RAB27A: variants seen among roughly 807,000 people sequenced by gnomAD.
RAB27A encodes the protein RAB27A, member RAS oncogene family.
A neutral mutation model predicts 20.8 loss-of-function variants in RAB27A; 17 were observed. The observed-to-expected ratio is 0.82, with a 90% CI of 0.56 to 1.23. The LOEUF (loss-of-function observed/expected upper bound fraction) is 1.23. RAB27A is among the 50% of genes most tolerant of loss of function. The pLI is 0.00. For missense variants in RAB27A, 277 were observed against 266.7 expected (o/e 1.04, Z -0.27); for synonymous variants, 85 against 92.8 (o/e 0.92, Z 0.48).
At chr15:55,232,217 A>T (rs1230929011) in intron 3 of RAB27A, among the ~76,000 whole-genome samples, 1 of 152,230 alleles carries the variant, frequency 6.6e-6, no homozygotes, top group Non-Finnish European at 1.5e-5. Flanking sequence ...CTCTCCACTC[A>T]TTAGCTGTCC....
intron 1 of RAB27A, among the ~76,000 whole-genome samples, chr15:55,283,537 G>C (rs931050756): frequency 6.6e-6 from 1 of 152,128 alleles, no homozygotes; most frequent in East Asian, 1.9e-4. Context: ...TGTCCCTAAT[G>C]AGAAAAGCCA....
rs539729188 is a variant in RAB27A, at chr15:55,216,551, T to C, written c.467+7338A>G. ...TGTCTCAGAAAAGAAAAACAAAAAC[T>C]CAGAATACATCATCCCAAAAAAGCA... On this transcript the variant is annotated intron_variant, in intron 6 of 6. Coordinates refer to ENST00000336787, the MANE Select transcript of RAB27A (RefSeq NM_183235.3). Among the ~76,000 whole-genome samples the C allele has an allele frequency of 6.0e-5, 9 of 150,780 alleles. No individual in the cohort carries two copies. In the East Asian group the frequency reaches 1.8e-3, roughly 29 times the overall value.
At chr15:55,292,029 GA>G (rs1173069741), upstream of RAB27A, among the ~76,000 whole-genome samples, 1 of 152,160 alleles carries the variant, frequency 6.6e-6, no homozygotes, top group Non-Finnish European at 1.5e-5. Context: ...GGAGCAGAGG[GA>G]AGGCCTGGAA....
chr15:55,210,411 G>GT (rs1566897430), intron 6 of RAB27A, among the ~76,000 whole-genome samples: 65 of 111,188 alleles, frequency 5.8e-4, no homozygotes, highest in African/African-American at 3.1e-3. Flanking sequence ...ATTTAGGTGT[G>GT]GTTTTTTTTT....
chr15:55,208,736 G>C (rs1894774147), intron 6 of RAB27A, among the ~76,000 whole-genome samples: 1 of 152,228 alleles, frequency 6.6e-6, no homozygotes, highest in Non-Finnish European at 1.5e-5. Flanking sequence ...ACTCTGGCAA[G>C]AGGAATGGTA....
intron 3 of RAB27A, among the ~76,000 whole-genome samples, chr15:55,232,685 G>A (rs1392295029): frequency 6.6e-6 from 1 of 152,148 alleles, no homozygotes; most frequent in Non-Finnish European, 1.5e-5. Context: ...CAACTCTCAA[G>A]ACTAAGCTGA....
At chr15:55,262,848 C>A (rs866466732) in intron 2 of RAB27A, among the ~76,000 whole-genome samples, 8 of 152,040 alleles carry the variant, frequency 5.3e-5, no homozygotes, top group South Asian at 2.1e-4. Context: ...AGCCACCACG[C>A]CCAGCCCAGT....
At chr15:55,299,110 A>G (rs1019483970) in intron 2 of RAB27A, among the ~76,000 whole-genome samples, 2 of 152,222 alleles carry the variant, frequency 1.3e-5, no homozygotes, top group Non-Finnish European at 2.9e-5. Context: ...GAAAATCACA[A>G]CGGTATTGAT....
At chr15:55,234,712 A>G in intron 3 of RAB27A, 70 bp downstream of exon 3, 2 of 1,505,668 alleles carry the variant, frequency 1.3e-6, no homozygotes, top group South Asian at 1.1e-5. Flanking sequence ...ATTCCTACAA[A>G]GTAAACTAAA....
chr15:55,304,199 C>T (rs1187026387), intron 2 of RAB27A, among the ~76,000 whole-genome samples: 1 of 151,602 alleles, frequency 6.6e-6, no homozygotes, highest in African/African-American at 2.4e-5. Context: ...GTGCTGTGTC[C>T]ACTCAGGGTT....
At chr15:55,274,794 T>TTATATATATATATG (rs1897807768) in intron 1 of RAB27A, among the ~76,000 whole-genome samples, 1 of 52,172 alleles carries the variant, frequency 1.9e-5, no homozygotes, top group Non-Finnish European at 4.3e-5. Flanking sequence ...AATAAATAAA[T>TTATATATATATATG]TATATATATA....
At chr15:55,285,636 C>A (rs1243716306) in intron 1 of RAB27A, among the ~76,000 whole-genome samples, 1 of 152,194 alleles carries the variant, frequency 6.6e-6, no homozygotes, top group African/African-American at 2.4e-5. Context: ...AGAAAATCTG[C>A]AAGTGGCATA....
intron 2 of RAB27A, chr15:55,238,029 A>G (rs895059537): frequency 3.9e-5 from 6 of 152,186 alleles, no homozygotes; most frequent in Non-Finnish European, 7.3e-5. Flanking sequence ...CACAATAGCA[A>G]TACTGACCAA....
chr15:55,299,410 A>G (rs1296868950), intron 2 of RAB27A, among the ~76,000 whole-genome samples: 1 of 152,140 alleles, frequency 6.6e-6, no homozygotes, highest in Non-Finnish European at 1.5e-5. Context: ...CCTGGCCAAC[A>G]TGGCAAAACC....
At chr15:55,210,270 T>A (rs1244845637) in intron 6 of RAB27A, among the ~76,000 whole-genome samples, 3 of 139,502 alleles carry the variant, frequency 2.2e-5, no homozygotes, top group Non-Finnish European at 3.0e-5. Flanking sequence ...CATATGGTAG[T>A]TCTATTTTTA....
intron 2 of RAB27A, among the ~76,000 whole-genome samples, chr15:55,263,063 C>T (rs577383251): frequency 6.6e-6 from 1 of 152,060 alleles, no homozygotes; most frequent in South Asian, 2.1e-4. Context: ...GTTAATTTAC[C>T]AGCTTTTATA....
At chr15:55,288,475 C>T (rs1898215766) in intron 1 of RAB27A, among the ~76,000 whole-genome samples, 1 of 152,066 alleles carries the variant, frequency 6.6e-6, no homozygotes, top group Non-Finnish European at 1.5e-5. Context: ...GAGCCAAGAT[C>T]ATGCCACCGC....
rs141380814 is a variant in RAB27A at position 55,301,969 on chromosome 15, C to T, written c.-112+12070G>A. On this transcript the variant is annotated intron_variant, in intron 2 of 5. Coordinates refer to the RAB27A transcript ENST00000563262. ...TTCATCACCCTAAAAATAATCCCCA[C>T]GGCCGGGGGCAGTGGCCTGGCCAAT... Among the ~76,000 whole-genome samples, 364 of 152,054 alleles carry T rather than the reference C, an allele frequency of 2.4e-3. 2 individuals carry two copies. Among genetic ancestry groups the T allele is most frequent in the African/African-American group, 8.1e-3 (335 of 41,516 alleles).
intron 1 of RAB27A, among the ~76,000 whole-genome samples, chr15:55,273,204 C>G (rs1897757307): frequency 6.6e-6 from 1 of 151,900 alleles, no homozygotes; most frequent in Non-Finnish European, 1.5e-5. Flanking sequence ...GTCAGAAGTT[C>G]AAAACCAGCC....
Sources: allele counts gnomAD v4.1 joint callset (sites outside exome capture counted in the v4.1 genomes callset), GRCh38; gene constraint gnomAD v4.1.1; transcripts MANE v1.5; gene names NCBI Gene and HGNC (gene_info 2026-07-23, HGNC 2026-07-21).